HS2ST1: variants seen among roughly 807,000 people sequenced by gnomAD.
HS2ST1 encodes 2-O-sulfotransferase.
In HS2ST1, 18 loss-of-function variants were observed where a neutral mutation model predicts 42.9. The ratio of observed to expected loss-of-function variants is 0.42; its 90% CI spans 0.29 to 0.62. The LOEUF (loss-of-function observed/expected upper bound fraction) is 0.62. HS2ST1 is among the 20% of genes least tolerant of loss of function. The probability of loss-of-function intolerance (pLI) is 0.21; values close to 1 mark genes in which losing one functional copy is unlikely to be tolerated. For synonymous variants in HS2ST1, 146 were observed against 152.9 expected (o/e 0.95, Z 0.33); for missense variants, 334 against 433.8 (o/e 0.77, Z 2.04).
chr1:86,925,459 A>G (rs898094938), intron 1 of HS2ST1, among the ~76,000 whole-genome samples: 23 of 152,220 alleles, frequency 1.5e-4, no homozygotes, highest in African/African-American at 5.5e-4. Flanking sequence ...TGCCCAAGAC[A>G]ACAATTAACT....
intron 1 of HS2ST1, among the ~76,000 whole-genome samples, chr1:87,030,241 C>G (rs1444772667): frequency 1.1e-4 from 16 of 152,132 alleles, no homozygotes; most frequent in Non-Finnish European, 2.1e-4. Context: ...AGAATCTTTT[C>G]AAATTGTAAA....
chr1:87,099,461 A>C (rs1258979984), intron 5 of HS2ST1, among the ~76,000 whole-genome samples: 1 of 152,222 alleles, frequency 6.6e-6, no homozygotes, highest in Non-Finnish European at 1.5e-5. Flanking sequence ...GCGAGAGCTC[A>C]GTTATCACCA....
chr1:86,952,379 A>T (rs1557491414), intron 1 of HS2ST1, among the ~76,000 whole-genome samples: 1 of 152,044 alleles, frequency 6.6e-6, no homozygotes, highest in East Asian at 1.9e-4. Context: ...CTGGGATTAC[A>T]GGCACGTACC....
At chr1:86,999,645 T>C (rs1285110277) in intron 1 of HS2ST1, among the ~76,000 whole-genome samples, 1 of 152,138 alleles carries the variant, frequency 6.6e-6, no homozygotes, top group Non-Finnish European at 1.5e-5. Flanking sequence ...TTTCTGACAT[T>C]TTCCATATCC....
chr1:86,990,545 A>G (rs2390222), intron 1 of HS2ST1, among the ~76,000 whole-genome samples: 1 of 151,530 alleles, frequency 6.6e-6, no homozygotes, highest in Non-Finnish European at 1.5e-5. Context: ...AGAGTTTGTA[A>G]CCCCTGTAGT....
intron 1 of HS2ST1, among the ~76,000 whole-genome samples, chr1:87,019,127 A>G (rs534711618): frequency 5.4e-4 from 82 of 152,310 alleles, no homozygotes; most frequent in African/African-American, 1.9e-3. Context: ...TTATGTGGCT[A>G]ATAGATTAGA....
At chr1:86,982,509 T>C (rs1648624714) in intron 1 of HS2ST1, among the ~76,000 whole-genome samples, 1 of 152,132 alleles carries the variant, frequency 6.6e-6, no homozygotes, top group Non-Finnish European at 1.5e-5. Context: ...GAAAAAGCCA[T>C]GTCACCCCAT....
intron 1 of HS2ST1, among the ~76,000 whole-genome samples, chr1:86,960,227 C>CAAAAAAAACA (rs1647796322): frequency 2.3e-5 from 3 of 131,492 alleles, no homozygotes; most frequent in Admixed American, 7.7e-5. Flanking sequence ...TCCACGCCAC[C>CAAAAAAAACA]AAAAAAAAAA....
At chr1:87,089,539 G>T (rs1461028811) in intron 3 of HS2ST1, among the ~76,000 whole-genome samples, 1 of 151,988 alleles carries the variant, frequency 6.6e-6, no homozygotes, top group African/African-American at 2.4e-5. Context: ...AGCTCCTATA[G>T]AAACTAGCTG....
At chr1:86,962,952 T>C (rs6691180) in intron 1 of HS2ST1, among the ~76,000 whole-genome samples, 2 of 152,136 alleles carry the variant, frequency 1.3e-5, no homozygotes, top group Admixed American at 6.5e-5. Flanking sequence ...TCTTCCAAGG[T>C]AGTGATTCTC....
intron 1 of HS2ST1, among the ~76,000 whole-genome samples, chr1:87,003,711 T>G (rs1426887676): frequency 8.4e-5 from 1 of 11,958 alleles, no homozygotes; most frequent in Non-Finnish European, 3.0e-4. Flanking sequence ...TGTACAGACT[T>G]TTTTTTTTCT....
Position 86,915,043 on chromosome 1 carries a change from C to T in HS2ST1, c.7C>T (p.Leu3Phe), listed in dbSNP as rs1660110810. Reference sequence around the variant, plus strand: ...ATCCCGAGCAGCGGGTTTCATGGGGCTCCTCAGGATTATGATGCCGCCCAA... The same window carrying T: ...ATCCCGAGCAGCGGGTTTCATGGGGTTCCTCAGGATTATGATGCCGCCCAA... MG[L>F]LRIMMPPKLQ... Residue 3 changes from leucine to phenylalanine, a missense_variant, in exon 1 of 7, where the codon CTC becomes TTC. Physicochemically the swap from Leu to Phe is conservative, Grantham distance 22 (BLOSUM62 0). Transcript: ENST00000370550. The T allele has an allele frequency of 1.9e-6, 3 of 1,614,144 alleles. No individual in the cohort carries two copies. Among genetic ancestry groups the T allele is most frequent in the Non-Finnish European group, 2.5e-6 (3 of 1,180,008 alleles).
chr1:86,998,631 T>G (rs1162076663), intron 1 of HS2ST1, among the ~76,000 whole-genome samples: 1 of 152,218 alleles, frequency 6.6e-6, no homozygotes, highest in Non-Finnish European at 1.5e-5. Flanking sequence ...TTTTTTAGGC[T>G]TCTGTTTCCA....
chr1:86,962,198 A>G (rs993411117), intron 1 of HS2ST1, among the ~76,000 whole-genome samples: 1 of 152,178 alleles, frequency 6.6e-6, no homozygotes, highest in African/African-American at 2.4e-5. Flanking sequence ...CACAAAGATA[A>G]ATTAAGCATG....
intron 1 of HS2ST1, among the ~76,000 whole-genome samples, chr1:86,984,543 C>A (rs1209694655): frequency 2.0e-5 from 3 of 152,064 alleles, no homozygotes; most frequent in Non-Finnish European, 4.4e-5. Flanking sequence ...TGAGCTTAAT[C>A]GTGTTTTCTT....
chr1:86,984,622 C>T (rs529879952), intron 1 of HS2ST1, among the ~76,000 whole-genome samples: 83 of 152,224 alleles, frequency 5.5e-4, no homozygotes, highest in African/African-American at 1.9e-3. Flanking sequence ...CAGTGGTTCG[C>T]GCCTGTAATC....
chr1:87,017,528 A>C (rs983510579), intron 1 of HS2ST1, among the ~76,000 whole-genome samples: 4 of 152,186 alleles, frequency 2.6e-5, no homozygotes, highest in Non-Finnish European at 5.9e-5. Context: ...TAGCAAGGAG[A>C]AATGTTCTAA....
At chr1:86,975,718 T>C (rs2102214372) in intron 1 of HS2ST1, among the ~76,000 whole-genome samples, 1 of 152,252 alleles carries the variant, frequency 6.6e-6, no homozygotes, top group East Asian at 1.9e-4. Flanking sequence ...TACCAAATGC[T>C]ATGATATGCT....
At chr1:86,983,137 CTG>C (rs1397500593) in intron 1 of HS2ST1, among the ~76,000 whole-genome samples, 1 of 152,170 alleles carries the variant, frequency 6.6e-6, no homozygotes, top group Admixed American at 6.6e-5. Context: ...CGGCCTCTGT[CTG>C]TTACCCAGTT....
Sources: gnomAD v4.1 joint callset for allele counts (sites outside exome capture counted in the v4.1 genomes callset) on GRCh38, gnomAD v4.1.1 for gene constraint, MANE v1.5 for transcripts, NCBI Gene and HGNC (gene_info 2026-07-23, HGNC 2026-07-21) for gene names.